The following ATF7 variants were observed in gnomAD, a reference collection of about 807,000 sequenced individuals.
The protein encoded by ATF7 is activating transcription factor 7.
In ATF7, 10 loss-of-function variants were observed where a neutral mutation model predicts 50.4. The observed-to-expected ratio is 0.20, with a 90% CI of 0.12 to 0.34. The LOEUF (loss-of-function observed/expected upper bound fraction) is 0.34, where lower values mean the gene tolerates loss of function less well. Among genes scored for constraint, ATF7 ranks in the 10% least tolerant of loss-of-function variants. The pLI is 1.00. For synonymous variants in ATF7, 201 were observed against 226.4 expected, an observed-to-expected ratio of 0.89 and a Z score of 1.01; for missense variants, 465 against 613.9, an observed-to-expected ratio of 0.76 and a Z score of 2.56.
At chr12:53,523,250 C>T in intron 11 of ATF7, 26 bp downstream of exon 11, 1 of 1,498,990 alleles carries the variant, frequency 6.7e-7, no homozygotes, top group Non-Finnish European at 9.3e-7. Context: ...GACTGACTGA[C>T]TTAGCTTAGG....
At chr12:53,616,274 G>C (rs1467343452) in intron 1 of ATF7, among the ~76,000 whole-genome samples, 2 of 152,154 alleles carry the variant, frequency 1.3e-5, no homozygotes, top group African/African-American at 4.8e-5. Flanking sequence ...CCAGGCTAGA[G>C]TGCAGTGGCG....
chr12:53,511,403 C>G (rs965361163), downstream of ATF7, among the ~76,000 whole-genome samples: 2 of 152,122 alleles, frequency 1.3e-5, no homozygotes, highest in Non-Finnish European at 2.9e-5. Context: ...CGCCCGCCAC[C>G]AACACCTGGC....
At chr12:53,532,363 C>T (rs919474930) in intron 8 of ATF7, 147 bp downstream of exon 8, 1 of 623,492 alleles carries the variant, frequency 1.6e-6, no homozygotes, top group African/African-American at 1.8e-5. Flanking sequence ...GAATTGGAGT[C>T]TTTTCTTTTC....
intron 3 of ATF7, among the ~76,000 whole-genome samples, chr12:53,550,859 T>C (rs1349288515): frequency 1.3e-5 from 2 of 152,176 alleles, no homozygotes. Context: ...TAGGAGAACA[T>C]GTTTTCTCCT....
At chr12:53,541,795 G>C (rs981462254) in intron 4 of ATF7, among the ~76,000 whole-genome samples, 5 of 152,012 alleles carry the variant, frequency 3.3e-5, no homozygotes, top group Admixed American at 1.3e-4. Flanking sequence ...GTTCACACTA[G>C]ATCTCTTTTC....
intron 11 of ATF7, 188 bp from the exon 12 acceptor site, chr12:53,517,542 TAAG>T (rs1486846685): frequency 4.9e-6 from 3 of 615,736 alleles, no homozygotes; most frequent in African/African-American, 1.8e-5. Flanking sequence ...TGGGAAGTTG[TAAG>T]AAGGGAAGAA....
intron 11 of ATF7, chr12:53,517,643 C>T (rs545692442): frequency 7.0e-6 from 3 of 429,182 alleles, no homozygotes; most frequent in East Asian, 9.1e-5. Flanking sequence ...TTGCATAGTT[C>T]ATTACCAACT....
chr12:53,531,349 G>C (rs556634899), intron 9 of ATF7, among the ~76,000 whole-genome samples: 7 of 151,844 alleles, frequency 4.6e-5, no homozygotes, highest in African/African-American at 1.5e-4. Context: ...TTGAACCCGG[G>C]GGGCAGAGGT....
chr12:53,543,534 G>T, intron 3 of ATF7, 86 bp from the exon 4 acceptor site: 1 of 1,350,316 alleles, frequency 7.4e-7, no homozygotes, highest in Non-Finnish European at 1.0e-6. Flanking sequence ...GAATGCATTT[G>T]TACTTTTTGA....
chr12:53,529,686 TATAA>T (rs1565924080), intron 9 of ATF7, among the ~76,000 whole-genome samples: 2 of 132,580 alleles, frequency 1.5e-5, no homozygotes, highest in Non-Finnish European at 3.1e-5. Flanking sequence ...CACACATATA[TATAA>T]ATACATATAT....
At chr12:53,594,297 G>A (rs1356099193) in intron 2 of ATF7, among the ~76,000 whole-genome samples, 1 of 152,110 alleles carries the variant, frequency 6.6e-6, no homozygotes, top group Admixed American at 6.6e-5. Flanking sequence ...CTGGGCTCCC[G>A]TTTCAAATAT....
At chr12:53,587,841 A>ATTTT (rs1455265890) in intron 2 of ATF7, among the ~76,000 whole-genome samples, 3 of 46,402 alleles carry the variant, frequency 6.5e-5, no homozygotes, top group East Asian at 7.5e-4. Context: ...ATATATATAT[A>ATTTT]TATTTTTTTT....
At chr12:53,536,651 G>A (rs541625497) in intron 5 of ATF7, among the ~76,000 whole-genome samples, 4 of 151,660 alleles carry the variant, frequency 2.6e-5, no homozygotes, top group African/African-American at 9.6e-5. Context: ...ACTTTGGGAG[G>A]CCGAGGCGGG....
intron 1 of ATF7, among the ~76,000 whole-genome samples, chr12:53,607,420 C>T (rs1943661251): frequency 6.6e-6 from 1 of 152,110 alleles, no homozygotes; most frequent in South Asian, 2.1e-4. Context: ...ATCCTTTGAA[C>T]ATTTCATTCT....
downstream of ATF7, chr12:53,508,355 A>C (rs758973470): frequency 7.3e-5 from 11 of 151,238 alleles, no homozygotes; most frequent in Non-Finnish European, 1.3e-4. Context: ...TGAGGGCAGG[A>C]GTTCGAGACC....
At chr12:53,564,689 G>GA (rs970582027) in intron 2 of ATF7, among the ~76,000 whole-genome samples, 1 of 152,136 alleles carries the variant, frequency 6.6e-6, no homozygotes, top group African/African-American at 2.4e-5. Context: ...AACAGAAAAA[G>GA]AATTTTAAAC....
chr12:53,550,093 C>T lies in ATF7; in HGVS notation c.145+2448G>A, dbSNP rs192136975. On this transcript the variant is annotated intron_variant, in intron 3 of 11. Transcript: ENST00000420353. ...ATCCCAGCACTTTGGAAGGCCGAGGCAGGTGGATCATTCGAGGCCAGGAGT... is the reference window on the plus strand; with the variant it reads ...ATCCCAGCACTTTGGAAGGCCGAGGTAGGTGGATCATTCGAGGCCAGGAGT... Among the ~76,000 whole-genome samples, 8 of 152,070 alleles carry T rather than the reference C, an allele frequency of 5.3e-5. No individual in the cohort carries two copies. In the East Asian group the frequency reaches 1.6e-3, roughly 30 times the overall value.
intron 4 of ATF7, among the ~76,000 whole-genome samples, chr12:53,539,767 A>G (rs1939431145): frequency 6.6e-6 from 1 of 151,966 alleles, no homozygotes; most frequent in Non-Finnish European, 1.5e-5. Context: ...TAGTTCTGCC[A>G]TTTGAAAGCA....
At chr12:53,587,671 CAA>C (rs1187023918) in intron 2 of ATF7, among the ~76,000 whole-genome samples, 18 of 118,956 alleles carry the variant, frequency 1.5e-4, no homozygotes, top group African/African-American at 1.5e-4. Context: ...ATAGAGCGAT[CAA>C]AAAAAAAAAA....
Sources: allele counts gnomAD v4.1 joint callset (sites outside exome capture counted in the v4.1 genomes callset), GRCh38; gene constraint gnomAD v4.1.1; transcripts MANE v1.5; gene names NCBI Gene and HGNC (gene_info 2026-07-23, HGNC 2026-07-21).